Variants in IGF2BP2 observed in about 807,000 individuals in gnomAD.
IGF2BP2 encodes the protein insulin like growth factor 2 mRNA binding protein 2.
IGF2BP2 carries 17 observed loss-of-function variants against 75.8 expected under a neutral mutation model. The ratio of observed to expected loss-of-function variants is 0.22; its 90% confidence interval spans 0.15 to 0.34. The LOEUF (loss-of-function observed/expected upper bound fraction) is 0.34, where lower values mean the gene tolerates loss of function less well. Among genes scored for constraint, IGF2BP2 ranks in the 10% least tolerant of loss-of-function variants. The pLI is 1.00. For synonymous variants in IGF2BP2, 288 were observed against 295.6 expected (o/e 0.97, Z 0.26); for missense variants, 516 against 772.4 (o/e 0.67, Z 3.93).
rs767482006 is a variant in IGF2BP2, at chr3:185,824,986, C to T, written c.-26G>A. ...CCGTCTCTTCCCCGAGAGCCCGCGGCTCCCCCGGCCCGGTACCCGGCGCTC... is the reference window on the plus strand; with the variant it reads ...CCGTCTCTTCCCCGAGAGCCCGCGGTTCCCCCGGCCCGGTACCCGGCGCTC... On this transcript the variant is annotated 5_prime_UTR_variant, in exon 1 of 16. Transcript: ENST00000382199. 48 of 1,466,212 alleles carry T rather than the reference C, an allele frequency of 3.3e-5. No individual in the cohort carries two copies. Among genetic ancestry groups the T allele is most frequent in the Admixed American group, 8.1e-5 (4 of 49,678 alleles). 90.8% of individuals were successfully genotyped at this position (1,466,212 alleles called of 1,614,324 possible). A position where few individuals can be genotyped will look rare whatever the true frequency, so the allele number is the denominator to read the frequency against.
chr3:185,769,565 G>A (rs564265512), intron 2 of IGF2BP2, among the ~76,000 whole-genome samples: 32 of 152,058 alleles, frequency 2.1e-4, no homozygotes, highest in Non-Finnish European at 3.8e-4. Flanking sequence ...GGCCTGGCAC[G>A]GTGGCTCACG....
chr3:185,734,440 C>A lies in IGF2BP2; in HGVS notation c.240-36093G>T, dbSNP rs1325319754. 2.6e-5 allele frequency among the ~76,000 whole-genome samples: 4 copies of A among 152,000 alleles called. No individual in the cohort carries two copies. The East Asian group carries it at 5.8e-4, about 22-fold the overall frequency. On this transcript the variant is annotated intron_variant, in intron 2 of 15. Coordinates refer to ENST00000382199, the MANE Select transcript of IGF2BP2 (RefSeq NM_006548.6). ...CCTTACCTCCCTATTAAAGCATAAT[C>A]AAAAATTCCACAATCGTTCAGCGTC...
intron 4 of IGF2BP2, 101 bp from the exon 5 acceptor site, chr3:185,692,863 C>T (rs933509111): frequency 9.6e-6 from 9 of 938,964 alleles, no homozygotes; most frequent in Non-Finnish European, 1.4e-5. Context: ...ATAAAACCCT[C>T]ATCACACTGG....
In IGF2BP2 at chr3:185,643,769, CTTTTTT is replaced by C. The variant is rs1364040148; in HGVS notation, c.*1756_*1761del. 1 of 120,412 alleles carries C rather than the reference CTTTTTT, an allele frequency of 8.3e-6. No individual in the cohort carries two copies. The highest frequency in any genetic ancestry group is 1.8e-5 in the Non-Finnish European group (1 of 57,074). The allele number at this position is 120,412 out of a possible 1,614,324, so 7.5% of individuals were successfully genotyped here. ...TTAGCTGGATATATTTCTGTTTTTT[CTTTTTT>C]TTTCTTTTTTTTTTTTTTTTTTTTG... is the stretch of plus-strand genomic sequence containing the variant. On this transcript the variant is annotated 3_prime_UTR_variant, in exon 16 of 16. Coordinates refer to ENST00000382199, the MANE Select transcript of IGF2BP2 (RefSeq NM_006548.6).
intron 2 of IGF2BP2, among the ~76,000 whole-genome samples, chr3:185,794,069 C>T (rs924856223): frequency 2.6e-5 from 4 of 151,736 alleles, no homozygotes; most frequent in East Asian, 1.9e-4. Context: ...GCAATCCTCC[C>T]GCCTCAGCCT....
chr3:185,698,357 TA>T lies in IGF2BP2; in HGVS notation c.240-11del. 1 of 1,613,222 alleles carries T rather than the reference TA, an allele frequency of 6.2e-7. No homozygotes were observed. The highest frequency in any genetic ancestry group is 1.1e-5 in the South Asian group (1 of 91,066). ...CTGAATTTTCCTGCTCCTGTAAAGA[TA>T]AAACCACAGACTATAACACTTTCTC... is the stretch of plus-strand genomic sequence containing the variant. On this transcript the variant is annotated splice_polypyrimidine_tract_variant and intron_variant, in intron 2 of 15. Coordinates refer to ENST00000382199, the MANE Select transcript of IGF2BP2 (RefSeq NM_006548.6).
intron 13 of IGF2BP2, among the ~76,000 whole-genome samples, chr3:185,650,028 G>C (rs954750359): frequency 1.3e-5 from 2 of 151,942 alleles, no homozygotes; most frequent in African/African-American, 4.8e-5. Flanking sequence ...ATGGAGAACA[G>C]GGTCTTGCTC....
chr3:185,722,125 T>C (rs753646602), intron 2 of IGF2BP2: 14 of 307,066 alleles, frequency 4.6e-5, no homozygotes, highest in East Asian at 1.2e-4. Flanking sequence ...GTAGAGAGAG[T>C]GTCTCACTAT....
In IGF2BP2 at chr3:185,647,470, C is replaced by G. The variant is rs751632199; in HGVS notation, c.1594-332G>C. Among the ~76,000 whole-genome samples, 3 of 152,060 alleles carry G rather than the reference C, an allele frequency of 2.0e-5. No individual in the cohort carries two copies. Among genetic ancestry groups the G allele is most frequent in the Non-Finnish European group, 4.4e-5 (3 of 67,994 alleles). ...AGAGACCCCAGGCTTTCCCATACCC[C>G]CCCACTCCCCACCCCTACCCTGTAA... On this transcript the variant is annotated intron_variant, in intron 14 of 15. Transcript: ENST00000382199. The surrounding 1 kb of genome is among the most constrained non-coding windows in gnomAD (Gnocchi z 4.9).
chr3:185,811,871 TC>T (rs1739921135), intron 2 of IGF2BP2, among the ~76,000 whole-genome samples: 1 of 53,080 alleles, frequency 1.9e-5, no homozygotes, highest in Non-Finnish European at 3.1e-5. Flanking sequence ...TCTCTCTCTC[TC>T]TCTCTCCCCC....
At chr3:185,753,215 A>G (rs1030161941) in intron 2 of IGF2BP2, among the ~76,000 whole-genome samples, 3 of 152,108 alleles carry the variant, frequency 2.0e-5, no homozygotes, top group Non-Finnish European at 2.9e-5. Flanking sequence ...TGTGGCCTCC[A>G]CTGCTTTCTC....
At chr3:185,770,187 G>A (rs1451874875) in intron 2 of IGF2BP2, among the ~76,000 whole-genome samples, 2 of 152,188 alleles carry the variant, frequency 1.3e-5, no homozygotes, top group Non-Finnish European at 2.9e-5. Flanking sequence ...AAGAAGGGAT[G>A]TGGTGGCGGG....
chr3:185,676,017 A>G, intron 7 of IGF2BP2, 104 bp from the exon 8 acceptor site: 4 of 1,430,532 alleles, frequency 2.8e-6, no homozygotes, highest in Non-Finnish European at 3.8e-6. Flanking sequence ...CATTTTGTTC[A>G]GGTACCAAGT....
At chr3:185,785,903 TCTTTCATTCAACTACAAGATA>T (rs1260546050) in intron 2 of IGF2BP2, among the ~76,000 whole-genome samples, 1 of 152,320 alleles carries the variant, frequency 6.6e-6, no homozygotes, top group South Asian at 2.1e-4. Flanking sequence ...ATCTAAGGAT[TCTTTCATTCAACTACAAGATA>T]ACAAATTAAA....
chr3:185,762,027 T>C (rs1732436129), intron 2 of IGF2BP2, among the ~76,000 whole-genome samples: 1 of 152,124 alleles, frequency 6.6e-6, no homozygotes, highest in Non-Finnish European at 1.5e-5. Context: ...TTGCATAAAA[T>C]TTTTTGCTTG....
intron 10 of IGF2BP2, among the ~76,000 whole-genome samples, chr3:185,659,898 G>A (rs924799153): frequency 1.3e-5 from 2 of 151,816 alleles, no homozygotes; most frequent in African/African-American, 2.4e-5. Flanking sequence ...GGGTTCAAGC[G>A]ATTCTCCTGC....
intron 4 of IGF2BP2, 80 bp from the exon 5 acceptor site, chr3:185,692,842 GAGA>G: frequency 8.1e-7 from 1 of 1,239,584 alleles, no homozygotes; most frequent in Non-Finnish European, 1.2e-6. Context: ...ACAAACTTTA[GAGA>G]AAAATGCATA....
At chr3:185,801,089 C>T (rs1462528122) in intron 2 of IGF2BP2, among the ~76,000 whole-genome samples, 1 of 151,952 alleles carries the variant, frequency 6.6e-6, no homozygotes, top group African/African-American at 2.4e-5. Context: ...ATTCATGCAG[C>T]CAACAAACAT....
At chr3:185,745,587 C>T (rs965827622) in intron 2 of IGF2BP2, among the ~76,000 whole-genome samples, 1 of 152,146 alleles carries the variant, frequency 6.6e-6, no homozygotes, top group Admixed American at 6.5e-5. Context: ...GGCAAGAATG[C>T]CTAAGATGAT....
Sources: allele counts gnomAD v4.1 joint callset (sites outside exome capture counted in the v4.1 genomes callset), GRCh38; gene constraint gnomAD v4.1.1; non-coding constraint Gnocchi (gnomAD v3.1); transcripts MANE v1.5; gene names NCBI Gene and HGNC (gene_info 2026-07-23, HGNC 2026-07-21).